Variants in CNTNAP3 observed in about 807,000 individuals in gnomAD.
CNTNAP3 encodes contactin-associated protein-like 3.
A neutral mutation model predicts 92.1 loss-of-function variants in CNTNAP3; 36 were observed. That is an observed-to-expected ratio of 0.39 (90% CI 0.30 to 0.52). The LOEUF (loss-of-function observed/expected upper bound fraction) is 0.52. Ranked by LOEUF, CNTNAP3 falls within the 20% of genes least tolerant of loss-of-function variation. The pLI is 0.76. For synonymous variants in CNTNAP3, 232 were observed against 422.3 expected (o/e 0.55, Z 5.53); for missense variants, 534 against 1,069.6 (o/e 0.50, Z 6.98).
At chr9:39,136,130 AAAT>A (rs60137174) in intron 12 of CNTNAP3, among the ~76,000 whole-genome samples, 3,837 of 144,864 alleles carry the variant, frequency 0.026, 145 homozygotes, top group African/African-American at 0.084. Context: ...CTCTGTCTCA[AAAT>A]AATAATAATA....
chr9:39,113,967 TATATATA>T (rs1220126813), intron 14 of CNTNAP3, among the ~76,000 whole-genome samples: 8 of 144,668 alleles, frequency 5.5e-5, no homozygotes, highest in African/African-American at 7.6e-5. Context: ...TCTCTCTCTC[TATATATA>T]CACACACACA....
chr9:39,119,642 C>T (rs1341342552), intron 13 of CNTNAP3, among the ~76,000 whole-genome samples: 1 of 151,960 alleles, frequency 6.6e-6, no homozygotes. Flanking sequence ...GAAACAGTAG[C>T]AAAAAGATGT....
In CNTNAP3 at chr9:39,069,612, T is replaced by A. The variant is rs1825594992; in HGVS notation, c.*4278A>T. On this transcript the variant is annotated 3_prime_UTR_variant, in exon 24 of 24. Transcript: ENST00000297668. ...CTATGTTATCATTTTGTAAAAAAAA[T>A]ACCACAGGAAGTAGTGCTTCAGTAC... is the stretch of plus-strand genomic sequence containing the variant. 6.6e-6 allele frequency among the ~76,000 whole-genome samples: 1 copy of A among 152,386 alleles called. No individual in the cohort carries two copies. The highest frequency in any genetic ancestry group is 1.9e-4 in the East Asian group (1 of 5,192).
At chr9:39,126,115 T>C (rs928822808) in intron 13 of CNTNAP3, among the ~76,000 whole-genome samples, 3 of 152,154 alleles carry the variant, frequency 2.0e-5, no homozygotes, top group African/African-American at 7.2e-5. Flanking sequence ...CAGAACACTT[T>C]ACCAAATTTA....
chr9:39,099,229 C>T (rs1826395497), intron 18 of CNTNAP3, among the ~76,000 whole-genome samples: 1 of 152,148 alleles, frequency 6.6e-6, no homozygotes, highest in African/African-American at 2.4e-5. Flanking sequence ...GCTGGGATTA[C>T]AGGCATGAGC....
chr9:39,132,910 A>G lies in CNTNAP3; in HGVS notation c.2080+22T>C, dbSNP rs1351094880. Reference sequence around the variant, plus strand: ...GCGCCCCGGCCCCGTGAACCCCTGTAGCCTCCAGGAGTGGCGCTTACCTCG... The same window carrying G: ...GCGCCCCGGCCCCGTGAACCCCTGTGGCCTCCAGGAGTGGCGCTTACCTCG... On this transcript the variant is annotated intron_variant, in intron 13 of 23. Coordinates refer to ENST00000297668, the MANE Select transcript of CNTNAP3 (RefSeq NM_033655.5). 17 of 1,534,914 alleles carry G rather than the reference A, an allele frequency of 1.1e-5. 2 individuals are homozygous for G. In the South Asian group the frequency reaches 2.0e-4, roughly 18 times the overall value.
chr9:39,112,666 A>C (rs1052538453), intron 14 of CNTNAP3, among the ~76,000 whole-genome samples: 2 of 152,100 alleles, frequency 1.3e-5, no homozygotes, highest in African/African-American at 2.4e-5. Flanking sequence ...GCCCAGCCCA[A>C]CTGTTAATGA....
intron 13 of CNTNAP3, among the ~76,000 whole-genome samples, chr9:39,126,014 G>A (rs1270925319): frequency 6.6e-6 from 1 of 152,252 alleles, no homozygotes; most frequent in East Asian, 1.9e-4. Context: ...TTCAATTAGC[G>A]TTGTAGAATA....
chr9:39,129,168 C>A (rs900210158), intron 13 of CNTNAP3, among the ~76,000 whole-genome samples: 5 of 152,128 alleles, frequency 3.3e-5, no homozygotes, highest in Non-Finnish European at 5.9e-5. Context: ...CAGAATGAGG[C>A]AAGCTACAGA....
intron 12 of CNTNAP3, among the ~76,000 whole-genome samples, chr9:39,135,890 G>C (rs1821418030): frequency 6.6e-6 from 1 of 152,084 alleles, no homozygotes. Context: ...AGCACTTTGG[G>C]AGGCCGAGGC....
At chr9:39,144,376 C>G (rs1286079043) in intron 10 of CNTNAP3, 30 bp from the exon 11 acceptor site, 4 of 1,496,534 alleles carry the variant, frequency 2.7e-6, no homozygotes, top group Non-Finnish European at 2.7e-6. Flanking sequence ...ACTGCTGTTT[C>G]CCTTTTTCAA....
intron 15 of CNTNAP3, among the ~76,000 whole-genome samples, chr9:39,106,948 C>G (rs1484659483): frequency 6.6e-6 from 1 of 152,040 alleles, no homozygotes; most frequent in African/African-American, 2.4e-5. Context: ...AAATCAGATA[C>G]AATTCAACAG....
rs766352851 is a variant in CNTNAP3, at chr9:39,118,127, T to G, written c.2213A>C (p.Asn738Thr). ...CCATTCATTCCGGCCAGCATCACAGTTGCAGTAATACTGAGAATCAATGCA... is the reference window on the plus strand; with the variant it reads ...CCATTCATTCCGGCCAGCATCACAGGTGCAGTAATACTGAGAATCAATGCA... ...GNCIDSQYYCNCDAGRNEWTS... is the reference protein window; with the variant it reads ...GNCIDSQYYCTCDAGRNEWTS... The change falls in exon 14 of 24, where the codon AAC (asparagine) becomes ACC (threonine). Residue 738 changes from asparagine (N) to threonine (T), a missense_variant. By Grantham distance (65) the Asn-to-Thr change is moderately conservative. Transcript: ENST00000297668. 1.9e-6 allele frequency: 3 copies of G among 1,608,664 alleles called. No individual in the cohort carries two copies. Among genetic ancestry groups the G allele is most frequent in the Non-Finnish European group, 2.5e-6 (3 of 1,177,564 alleles).
At chr9:39,107,006 G>A (rs982690917) in intron 15 of CNTNAP3, among the ~76,000 whole-genome samples, 2 of 152,092 alleles carry the variant, frequency 1.3e-5, no homozygotes, top group African/African-American at 4.8e-5. Flanking sequence ...TTGATAGGAT[G>A]ACCAACTCTA....
rs780416097 is a variant in CNTNAP3, at chr9:39,140,658, A to G, written c.1757-20T>C. On this transcript the variant is annotated intron_variant, in intron 11 of 23. Coordinates refer to ENST00000297668, the MANE Select transcript of CNTNAP3 (RefSeq NM_033655.5). ...AGAGAGCTGTAGGAGAACACCAGCC[A>G]TAAGAACCAGAAAAAATATCTCCAG... is the stretch of plus-strand genomic sequence containing the variant. 7.9e-5 allele frequency: 124 copies of G among 1,569,784 alleles called. 2 individuals carry two copies. Among genetic ancestry groups the G allele is most frequent in the South Asian group, 6.1e-4 (51 of 83,578 alleles).
intron 12 of CNTNAP3, among the ~76,000 whole-genome samples, chr9:39,134,769 T>A (rs1212707031): frequency 6.6e-6 from 1 of 152,190 alleles, no homozygotes; most frequent in African/African-American, 2.4e-5. Flanking sequence ...TCTGTGCACA[T>A]CACCTACTCT....
At chr9:39,104,671 TTCTTA>T (rs1018015232) in intron 15 of CNTNAP3, among the ~76,000 whole-genome samples, 5 of 152,148 alleles carry the variant, frequency 3.3e-5, no homozygotes, top group Non-Finnish European at 1.5e-5. Flanking sequence ...TGTGAGTCTT[TTCTTA>T]TCTTTTGTGT....
chr9:39,082,319 T>G lies in CNTNAP3; in HGVS notation c.3443-3399A>C, dbSNP rs1161117192. Among the ~76,000 whole-genome samples the G allele has an allele frequency of 5.9e-3, 895 of 151,724 alleles. 3 individuals carry two copies. The highest frequency in any genetic ancestry group is 0.02 in the African/African-American group (840 of 41,318). ...ACTTTCAAAGATCTCAAGACATCTGTGATGCCCACTGAATCCTGGTTAATG... is the reference window on the plus strand; with the variant it reads ...ACTTTCAAAGATCTCAAGACATCTGGGATGCCCACTGAATCCTGGTTAATG... On this transcript the variant is annotated intron_variant, in intron 21 of 23. Coordinates refer to ENST00000297668, the MANE Select transcript of CNTNAP3 (RefSeq NM_033655.5).
chr9:39,087,264 T>G (rs896616243), intron 19 of CNTNAP3, among the ~76,000 whole-genome samples: 1 of 152,276 alleles, frequency 6.6e-6, no homozygotes, highest in Non-Finnish European at 1.5e-5. Context: ...AGGCTCATTT[T>G]AATGTATCAC....
Sources: allele counts gnomAD v4.1 joint callset (sites outside exome capture counted in the v4.1 genomes callset), GRCh38; gene constraint gnomAD v4.1.1; transcripts MANE v1.5; gene names NCBI Gene and HGNC (gene_info 2026-07-23, HGNC 2026-07-21).